DSCAML1: variants seen among roughly 807,000 people sequenced by gnomAD.
The protein encoded by DSCAML1 is cell adhesion molecule DSCAML1.
Under a neutral mutation model 200.5 loss-of-function variants are expected in DSCAML1, and 38 were observed. The ratio of observed to expected loss-of-function variants is 0.19; its 90% CI spans 0.15 to 0.25. DSCAML1 has a LOEUF of 0.25. Ranked by LOEUF, DSCAML1 falls within the 10% of genes least tolerant of loss-of-function variation. The pLI is 1.00. For missense variants in DSCAML1, 2,223 were observed against 2,858.8 expected, an observed-to-expected ratio of 0.78 and a Z score of 5.07; for synonymous variants, 1,215 against 1,165.0, an observed-to-expected ratio of 1.04 and a Z score of -0.87.
Position 117,505,098 on chromosome 11 carries a change from C to G in DSCAML1, c.2063-55G>C. 1 of 1,578,636 alleles carries G rather than the reference C, an allele frequency of 6.3e-7. No individual in the cohort carries two copies. Among genetic ancestry groups the G allele is most frequent in the Non-Finnish European group, 8.6e-7 (1 of 1,157,640 alleles). On this transcript the variant is annotated intron_variant, in intron 9 of 32. Coordinates refer to ENST00000651296, the MANE Select transcript of DSCAML1 (RefSeq NM_020693.4). The surrounding 1 kb of genome is among the most constrained non-coding windows in gnomAD (Gnocchi z 6.7). Reference sequence around the variant, plus strand: ...ACCATTTTAGTCTCTGATGGGTCTCCTAGGGCTTCGAGCACCTTCTGTTTG... The same window carrying G: ...ACCATTTTAGTCTCTGATGGGTCTCGTAGGGCTTCGAGCACCTTCTGTTTG...
At chr11:117,817,503 A>C (rs540037929) in exon 1 of DSCAML1, 2 of 151,956 alleles carry the variant, frequency 1.3e-5, no homozygotes, top group Non-Finnish European at 2.9e-5. Flanking sequence ...GGTTGAGAAG[A>C]GCTACTGAGG....
At chr11:117,633,046 G>C (rs559053404) in intron 3 of DSCAML1, among the ~76,000 whole-genome samples, 56 of 152,268 alleles carry the variant, frequency 3.7e-4, no homozygotes, top group African/African-American at 1.3e-3. Flanking sequence ...TTCAACCCTG[G>C]GACACTGTCA....
At chr11:117,488,565 G>A (rs529427299) in intron 11 of DSCAML1, among the ~76,000 whole-genome samples, 3 of 151,370 alleles carry the variant, frequency 2.0e-5, no homozygotes, top group Non-Finnish European at 4.4e-5. Flanking sequence ...ACCACACACA[G>A]AGGGGCAGTG....
intron 3 of DSCAML1, among the ~76,000 whole-genome samples, chr11:117,757,573 T>C (rs1015764898): frequency 7.1e-4 from 104 of 146,908 alleles, no homozygotes; most frequent in Non-Finnish European, 1.2e-3. Context: ...TAGGAGCCTA[T>C]ACACACACAC....
intron 20 of DSCAML1, among the ~76,000 whole-genome samples, chr11:117,450,189 G>A (rs1467029706): frequency 1.3e-5 from 2 of 152,194 alleles, no homozygotes; most frequent in African/African-American, 2.4e-5. Context: ...TTGAAAGATG[G>A]TTCATTCCCA....
intron 1 of DSCAML1, among the ~76,000 whole-genome samples, chr11:117,811,333 G>A (rs1459277991): frequency 2.6e-5 from 4 of 151,958 alleles, no homozygotes; most frequent in East Asian, 3.9e-4. Flanking sequence ...ATCTGCTCCC[G>A]ACATTAAATA....
chr11:117,621,961 T>C lies in DSCAML1; in HGVS notation c.512-89439A>G, dbSNP rs536462406. 9.8e-5 allele frequency among the ~76,000 whole-genome samples: 15 copies of C among 152,326 alleles called. No homozygotes were observed. In the South Asian group the frequency reaches 2.9e-3, roughly 29 times the overall value. ...GACGTGTTTCATAAAAAGTTTTCTA[T>C]ACATTGAAATATTATTTTAATATTT... On this transcript the variant is annotated intron_variant, in intron 3 of 32. Transcript: ENST00000651296.
intron 3 of DSCAML1, among the ~76,000 whole-genome samples, chr11:117,706,362 G>A (rs919662400): frequency 3.9e-5 from 6 of 152,264 alleles, no homozygotes; most frequent in Admixed American, 6.5e-5. Context: ...GCCTACAGGC[G>A]TACAGAGATC....
chr11:117,780,743 G>C lies in DSCAML1; in HGVS notation c.114C>G (p.Ser38=). The C allele has an allele frequency of 6.5e-7, 1 of 1,549,410 alleles. No individual in the cohort carries two copies. Among genetic ancestry groups the C allele is most frequent in the Non-Finnish European group, 8.7e-7 (1 of 1,149,040 alleles). ...VNDSLQQVTF[S]SSVGVVVPCP... ...AGGGCACCACCACCCCCACGGAGCTGGAAAAGGTCACCTGCTGCAAGGAGT... is the reference window on the plus strand; with the variant it reads ...AGGGCACCACCACCCCCACGGAGCTCGAAAAGGTCACCTGCTGCAAGGAGT... The change falls in exon 2 of 33, where the codon TCC becomes TCG. Residue 38 remains serine (S), a synonymous_variant. Transcript: ENST00000651296. This position sits in a 1 kb window ranked among gnomAD's most constrained non-coding sequence, Gnocchi z 4.8.
intron 1 of DSCAML1, among the ~76,000 whole-genome samples, chr11:117,813,431 A>G (rs2055777018): frequency 6.6e-6 from 1 of 152,112 alleles, no homozygotes; most frequent in African/African-American, 2.4e-5. Flanking sequence ...CTGTTTCTCC[A>G]AGCCATCACA....
In DSCAML1 at chr11:117,430,879, C is replaced by G. The variant is rs2047775063; in HGVS notation, c.5529G>C (p.Gln1843His). ...ECFISDSSSD[Q>H]MTTGTNENAD... ...CGTTCTCGTTGGTGCCTGTGGTCAT[C>G]TGGTCAGAGGAACTGTCAGAGATGA... Residue 1843 changes from glutamine to histidine, a missense_variant, in exon 32 of 33, where the codon CAG becomes CAC. Gln to His is a conservative substitution (Grantham distance 24). This residue lies in a region of DSCAML1 where 96 missense variants were observed against 160.7 expected (regional missense o/e 0.60). Coordinates refer to ENST00000651296, the MANE Select transcript of DSCAML1 (RefSeq NM_020693.4). 6.2e-7 allele frequency: 1 copy of G among 1,614,034 alleles called. No homozygotes were observed. Among genetic ancestry groups the G allele is most frequent in the Non-Finnish European group, 8.5e-7 (1 of 1,180,044 alleles).
chr11:117,557,465 G>A (rs1191463935), intron 3 of DSCAML1, among the ~76,000 whole-genome samples: 2 of 152,202 alleles, frequency 1.3e-5, no homozygotes, highest in Admixed American at 6.5e-5. Flanking sequence ...GAGCTGGGTA[G>A]AAAGCGAGCC....
chr11:117,800,401 C>A (rs754224310), upstream of DSCAML1, among the ~76,000 whole-genome samples: 69 of 152,338 alleles, frequency 4.5e-4, no homozygotes, highest in Middle Eastern at 0.024. Context: ...AAACTTCACA[C>A]CCACACACAA....
At chr11:117,674,630 A>G (rs2053174831) in intron 3 of DSCAML1, among the ~76,000 whole-genome samples, 1 of 152,116 alleles carries the variant, frequency 6.6e-6, no homozygotes, top group African/African-American at 2.4e-5. Flanking sequence ...CAGGATCCCA[A>G]TCTTCCATGA....
chr11:117,781,660 G>C (rs772791120), intron 1 of DSCAML1, among the ~76,000 whole-genome samples: 2 of 152,246 alleles, frequency 1.3e-5, no homozygotes, highest in African/African-American at 2.4e-5. Context: ...TCTAAACCCA[G>C]TCCTCACACC....
intron 3 of DSCAML1, among the ~76,000 whole-genome samples, chr11:117,755,725 G>T (rs905700043): frequency 1.3e-5 from 2 of 152,226 alleles, no homozygotes; most frequent in African/African-American, 4.8e-5. Context: ...CACAAAATCA[G>T]ATGATCAGTT....
In DSCAML1 at chr11:117,559,846, G is replaced by A. The variant is rs374489420; in HGVS notation, c.512-27324C>T. ...CAGCAGGGCTCACCACTCAGGTGTC[G>A]GGATGTCAGGCTGGCTGGGGTGAGA... On this transcript the variant is annotated intron_variant, in intron 3 of 32. Coordinates refer to ENST00000651296, the MANE Select transcript of DSCAML1 (RefSeq NM_020693.4). Among the ~76,000 whole-genome samples, 14 of 152,212 alleles carry A rather than the reference G, an allele frequency of 9.2e-5. No homozygotes were observed. In the East Asian group the frequency reaches 9.7e-4, roughly 10 times the overall value.
intron 3 of DSCAML1, among the ~76,000 whole-genome samples, chr11:117,701,883 A>G (rs1261622087): frequency 2.0e-5 from 3 of 152,212 alleles, no homozygotes; most frequent in Non-Finnish European, 4.4e-5. Context: ...CCTCATGCCC[A>G]TGGCAGATGT....
At chr11:117,730,990 G>A (rs1474364852) in intron 3 of DSCAML1, among the ~76,000 whole-genome samples, 1 of 152,196 alleles carries the variant, frequency 6.6e-6, no homozygotes, top group Non-Finnish European at 1.5e-5. Flanking sequence ...GCCTCGGTCA[G>A]GGAAAGGGAT....
Sources: gnomAD v4.1 joint callset for allele counts (sites outside exome capture counted in the v4.1 genomes callset) on GRCh38, gnomAD v4.1.1 for gene constraint, gnomAD v4.1.1 regional missense constraint, Gnocchi (gnomAD v3.1) non-coding constraint, MANE v1.5 for transcripts, NCBI Gene and HGNC (gene_info 2026-07-23, HGNC 2026-07-21) for gene names.